Variants in EML5 observed in about 807,000 individuals in gnomAD.
EML5 encodes the protein echinoderm microtubule-associated protein-like 5.
EML5 carries 120 observed loss-of-function variants against 250.0 expected under a neutral mutation model. That is an observed-to-expected ratio of 0.48 (90% confidence interval 0.41 to 0.56). The LOEUF (loss-of-function observed/expected upper bound fraction) is 0.56. Ranked by LOEUF, EML5 falls within the 20% of genes least tolerant of loss-of-function variation. The pLI is 0.00. For missense variants in EML5, 2,006 were observed against 2,437.6 expected (o/e 0.82, Z 3.73); for synonymous variants, 771 against 806.5 (o/e 0.96, Z 0.75).
intron 39 of EML5, 45 bp from the exon 40 acceptor site, chr14:88,618,857 T>C: frequency 6.7e-7 from 1 of 1,502,296 alleles, no homozygotes; most frequent in Non-Finnish European, 8.9e-7. Context: ...ACATGAAGTA[T>C]TATAAATACT....
At chr14:88,713,552 C>A (rs1354093062) in intron 9 of EML5, among the ~76,000 whole-genome samples, 1 of 151,900 alleles carries the variant, frequency 6.6e-6, no homozygotes, top group East Asian at 1.9e-4. Context: ...ATCTTGGCTC[C>A]CAGCAGCCTT....
intron 21 of EML5, among the ~76,000 whole-genome samples, chr14:88,666,533 C>G (rs1254107995): frequency 6.6e-6 from 1 of 151,952 alleles, no homozygotes; most frequent in Non-Finnish European, 1.5e-5. Context: ...GCCTATGAAA[C>G]TAAAATATTT....
chr14:88,625,789 T>A (rs2089851608), intron 35 of EML5: 1 of 152,236 alleles, frequency 6.6e-6, no homozygotes, highest in Non-Finnish European at 1.5e-5. Context: ...TTCAATAGTC[T>A]TTTTCTCAAA....
Position 88,702,505 on chromosome 14 carries a change from C to T in EML5, c.2179G>A (p.Asp727Asn), listed in dbSNP as rs1267536338. The change falls in exon 14 of 44, where the codon GAT becomes AAT. Residue 727 changes from aspartate (D) to asparagine (N), a missense_variant. Physicochemically the swap from Asp to Asn is conservative, Grantham distance 23. Transcript: ENST00000554922. ...QNTQRFYLGHDDDILCLTIHP... is the reference protein window; with the variant it reads ...QNTQRFYLGHNDDILCLTIHP... ...ATAGTTAGGCAGAGAATATCATCAT[C>T]ATGACCCAGATAAAAACGCTGTGTG... The T allele has an allele frequency of 6.2e-7, 1 of 1,613,406 alleles. No individual in the cohort carries two copies.
intron 6 of EML5, among the ~76,000 whole-genome samples, chr14:88,738,357 G>C (rs2093876467): frequency 6.6e-6 from 1 of 151,372 alleles, no homozygotes; most frequent in African/African-American, 2.4e-5. Context: ...ACAAACCTGT[G>C]GGTAGCTTTT....
rs544168340 is a variant in EML5 at position 88,614,499 on chromosome 14, G to A, written c.*1319C>T. 5.3e-5 allele frequency: 8 copies of A among 152,290 alleles called. No individual in the cohort carries two copies. The highest frequency in any genetic ancestry group is 1.9e-4 in the African/African-American group (8 of 41,554). The allele number at this position is 152,290 out of a possible 1,614,324, so 9.4% of individuals were successfully genotyped here. On this transcript the variant is annotated 3_prime_UTR_variant, in exon 44 of 44. Transcript: ENST00000554922. ...GGTATTAAGAATCTTCATATATCCTGTCAGACCAAATGGGATTCCAGGAAC... is the reference window on the plus strand; with the variant it reads ...GGTATTAAGAATCTTCATATATCCTATCAGACCAAATGGGATTCCAGGAAC...
intron 1 of EML5, among the ~76,000 whole-genome samples, chr14:88,783,351 G>C (rs1376656948): frequency 6.6e-6 from 1 of 152,188 alleles, no homozygotes; most frequent in East Asian, 1.9e-4. Flanking sequence ...AAAAGAAATA[G>C]AGTAGGTGAA....
At chr14:88,699,324 AAG>A (rs1220000395) in intron 14 of EML5, among the ~76,000 whole-genome samples, 1 of 152,050 alleles carries the variant, frequency 6.6e-6, no homozygotes. Flanking sequence ...GGCAAATAGA[AAG>A]AGATAAAAAG....
chr14:88,726,800 T>C, intron 7 of EML5, 122 bp from the exon 8 acceptor site: 1 of 688,434 alleles, frequency 1.5e-6, no homozygotes, highest in Non-Finnish European at 2.2e-6. Flanking sequence ...ATCTGTTGTG[T>C]GGCAAGAAAT....
intron 33 of EML5, among the ~76,000 whole-genome samples, chr14:88,628,953 A>C (rs928831253): frequency 6.6e-6 from 1 of 152,100 alleles, no homozygotes; most frequent in Non-Finnish European, 1.5e-5. Context: ...TAGGTTATTT[A>C]TGTTTGTAAA....
intron 1 of EML5, among the ~76,000 whole-genome samples, chr14:88,782,460 C>T (rs545362601): frequency 1.3e-5 from 2 of 152,312 alleles, no homozygotes; most frequent in East Asian, 3.9e-4. Context: ...AAAGGCTAAT[C>T]ACAAAGACAA....
rs1214969765 is a variant in EML5 at position 88,702,688 on chromosome 14, C to T, written c.2052-56G>A. 3 of 1,232,178 alleles carry T rather than the reference C, an allele frequency of 2.4e-6. No homozygotes were observed. In the African/African-American group the frequency reaches 4.7e-5, roughly 19 times the overall value. The allele number at this position is 1,232,178 out of a possible 1,614,324, so 76.3% of individuals were successfully genotyped here. A position where few individuals can be genotyped will look rare whatever the true frequency, so the allele number is the denominator to read the frequency against. ...ATTTTGGCCTTTTATCTGATCAATA[C>T]AGAATATACAGGGGAGAAGTAGGTA... On this transcript the variant is annotated intron_variant, in intron 13 of 43. Transcript: ENST00000554922.
intron 30 of EML5, 61 bp downstream of exon 30, chr14:88,644,372 T>A: frequency 6.8e-7 from 1 of 1,466,622 alleles, no homozygotes; most frequent in Non-Finnish European, 9.4e-7. Flanking sequence ...AAAACTTGGG[T>A]GTTTTATAAA....
Position 88,620,604 on chromosome 14 carries a change from A to T in EML5, c.5375+150T>A. The T allele has an allele frequency of 1.6e-6, 1 of 625,396 alleles. No homozygotes were observed. Among genetic ancestry groups the T allele is most frequent in the Non-Finnish European group, 2.5e-6 (1 of 399,910 alleles). 38.7% of individuals were successfully genotyped at this position (625,396 alleles called of 1,614,324 possible). A position where few individuals can be genotyped will look rare whatever the true frequency, so the allele number is the denominator to read the frequency against. On this transcript the variant is annotated intron_variant, in intron 39 of 43. Transcript: ENST00000554922. This position sits in a 1 kb window ranked among gnomAD's most constrained non-coding sequence, Gnocchi z 4.3. ...TTTAGCAAGAAGAATTAAGTAGTAT[A>T]CAAACAGCCATATTTTAGCATACAA...
intron 14 of EML5, among the ~76,000 whole-genome samples, chr14:88,699,376 G>C (rs1443558628): frequency 6.6e-6 from 1 of 150,822 alleles, no homozygotes; most frequent in Non-Finnish European, 1.5e-5. Context: ...GCCTTGAATT[G>C]CATTGGGAGT....
chr14:88,634,383 G>A (rs986170473), intron 33 of EML5, 86 bp downstream of exon 33: 14 of 848,820 alleles, frequency 1.6e-5, no homozygotes, highest in Admixed American at 1.5e-4. Flanking sequence ...ATGCAAGAAC[G>A]GACTAATATA....
In EML5 at chr14:88,663,387, T is replaced by C. The variant is rs528089709; in HGVS notation, c.3410-268A>G. The stretch of plus-strand genomic sequence containing the variant: ...TATGTAAAAAATTCCTAGAAACAAA[T>C]GTTAAAATATTTTTTAAAGTGTATC... On this transcript the variant is annotated intron_variant, in intron 23 of 43. Coordinates refer to ENST00000554922, the MANE Select transcript of EML5 (RefSeq NM_183387.3). Among the ~76,000 whole-genome samples the C allele has an allele frequency of 4.6e-5, 7 of 152,250 alleles. No homozygotes were observed. In the South Asian group the frequency reaches 1.2e-3, roughly 27 times the overall value.
intron 1 of EML5, among the ~76,000 whole-genome samples, chr14:88,788,183 C>CAA (rs151078449): frequency 6.6e-6 from 1 of 151,718 alleles, no homozygotes; most frequent in African/African-American, 2.4e-5. Context: ...CATATAAACA[C>CAA]AAAAAAAATC....
intron 1 of EML5, among the ~76,000 whole-genome samples, chr14:88,786,163 T>A (rs1161026850): frequency 6.6e-6 from 1 of 152,228 alleles, no homozygotes; most frequent in Non-Finnish European, 1.5e-5. Context: ...AGTCTCTACT[T>A]AAGTGTCACC....
Sources: allele counts gnomAD v4.1 joint callset (sites outside exome capture counted in the v4.1 genomes callset), GRCh38; gene constraint gnomAD v4.1.1; non-coding constraint Gnocchi (gnomAD v3.1); transcripts MANE v1.5; gene names NCBI Gene and HGNC (gene_info 2026-07-23, HGNC 2026-07-21).